The following DMD variants were observed in gnomAD, a reference collection of about 807,000 sequenced individuals.
The protein encoded by DMD is dystrophin, also known as mutant dystrophin.
A neutral mutation model predicts 330.1 loss-of-function variants in DMD; 63 were observed. The observed-to-expected ratio is 0.19, with a 90% CI of 0.16 to 0.24. DMD has a LOEUF of 0.24. Ranked by LOEUF, DMD falls within the 10% of genes least tolerant of loss-of-function variation. The pLI, the probability that DMD is intolerant of heterozygous loss-of-function variation, is 1.00. For missense variants in DMD, 3,344 were observed against 2,684.1 expected (o/e 1.25, Z -5.43); for synonymous variants, 1,223 against 959.8 (o/e 1.27, Z -5.07).
chrX:31,833,289 AGAGGGAGAGAGGGAGAGAGG>A (rs1298490249), intron 49 of DMD, among the ~76,000 whole-genome samples: 5 of 11,083 alleles, frequency 4.5e-4, no homozygotes, highest in African/African-American at 3.9e-3. Context: ...AGAGAGAGAG[AGAGGGAGAGAGGGAGAGAGG>A]GAGAGAGGGA....
At position 33,033,339 on chromosome X, in the gene DMD, A is replaced by G. The variant is rs760407416; in HGVS notation, c.32-13139T>C. Among the ~76,000 whole-genome samples, 3 of 108,900 alleles carry G rather than the reference A, an allele frequency of 2.8e-5. No homozygotes were observed. In the East Asian group the frequency reaches 8.6e-4, roughly 31 times the overall value. The allele number at this position is 108,900 out of a possible 115,157, so 94.6% of individuals were successfully genotyped here. A position where few individuals can be genotyped will look rare whatever the true frequency, so the allele number is the denominator to read the frequency against. Reference sequence around the variant, plus strand: ...ACCGAGAACACGTCCCTCAGTGTACATTGCCAATAGATGAGTTTTGTCTAT... The same window carrying G: ...ACCGAGAACACGTCCCTCAGTGTACGTTGCCAATAGATGAGTTTTGTCTAT... On this transcript the variant is annotated intron_variant, in intron 1 of 78. Coordinates refer to ENST00000357033, the MANE Select transcript of DMD (RefSeq NM_004006.3).
At chrX:32,253,625 CTTTT>C (rs200535114) in intron 43 of DMD, among the ~76,000 whole-genome samples, 1 of 89,042 alleles carries the variant, frequency 1.1e-5, no homozygotes. Flanking sequence ...TTGATTTAAT[CTTTT>C]TTTTTTTTTT....
At chrX:32,820,878 C>G (rs186679071) in intron 5 of DMD, among the ~76,000 whole-genome samples, 2 of 111,552 alleles carry the variant, frequency 1.8e-5, no homozygotes, top group African/African-American at 3.3e-5. Context: ...ATTTTTGTAA[C>G]GCTTTGGTTT....
chrX:32,338,939 G>C (rs10521992), intron 41 of DMD, among the ~76,000 whole-genome samples: 23,902 of 111,161 alleles, frequency 0.22, 2,755 homozygotes, highest in African/African-American at 0.44. Flanking sequence ...CACTGAACGA[G>C]ATATCTGTTG....
intron 1 of DMD, among the ~76,000 whole-genome samples, chrX:33,094,037 T>C (rs1019535602): frequency 1.8e-5 from 2 of 111,291 alleles, no homozygotes; most frequent in African/African-American, 6.5e-5. Context: ...ACTTGTATCA[T>C]GATGGGTTGC....
chrX:31,705,880 G>A (rs1049622843), intron 52 of DMD, among the ~76,000 whole-genome samples: 5 of 111,894 alleles, frequency 4.5e-5, no homozygotes, highest in African/African-American at 1.3e-4. Flanking sequence ...AGCCATGAGG[G>A]TAAAGAACAA....
At chrX:31,917,894 T>G (rs1219208426) in intron 47 of DMD, among the ~76,000 whole-genome samples, 1 of 111,128 alleles carries the variant, frequency 9.0e-6, no homozygotes, top group East Asian at 2.8e-4. Flanking sequence ...ACACACCAAT[T>G]CCCCTAACGT....
At chrX:32,527,140 G>C (rs141568624) in intron 17 of DMD, among the ~76,000 whole-genome samples, 29 of 112,053 alleles carry the variant, frequency 2.6e-4, no homozygotes, top group African/African-American at 9.4e-4. Context: ...TGATGCCTGT[G>C]AAATACGTTA....
intron 60 of DMD, among the ~76,000 whole-genome samples, chrX:31,374,007 C>G (rs770514685): frequency 7.6e-5 from 8 of 105,380 alleles, no homozygotes; most frequent in African/African-American, 2.9e-4. Flanking sequence ...AAAAAGTGGG[C>G]GAAGGACATG....
chrX:31,370,033 A>G (rs1334992643), intron 60 of DMD, among the ~76,000 whole-genome samples: 1 of 105,910 alleles, frequency 9.4e-6, no homozygotes, highest in Non-Finnish European at 1.9e-5. Context: ...CGGGAGGCGG[A>G]ACTTGCAGTG....
intron 44 of DMD, among the ~76,000 whole-genome samples, chrX:32,107,037 T>C (rs957264777): frequency 5.4e-5 from 6 of 111,709 alleles, no homozygotes; most frequent in Non-Finnish European, 1.1e-4. Context: ...GTGAGTTCCA[T>C]CTGGGGACAT....
chrX:31,815,622 C>T (rs1000258333), intron 50 of DMD, among the ~76,000 whole-genome samples: 1 of 111,509 alleles, frequency 9.0e-6, no homozygotes, highest in South Asian at 3.7e-4. Context: ...TCCAGTTTCC[C>T]TCCTTTTCCC....
chrX:32,517,895 G>A (rs1315977906), intron 18 of DMD, 113 bp downstream of exon 18: 5 of 851,591 alleles, frequency 5.9e-6, no homozygotes, highest in Admixed American at 2.3e-5. Flanking sequence ...ATATTAAACA[G>A]CATTTTATCA....
chrX:31,132,456 C>A (rs935787944), intron 77 of DMD, among the ~76,000 whole-genome samples: 1 of 111,320 alleles, frequency 9.0e-6, no homozygotes, highest in Non-Finnish European at 1.9e-5. Flanking sequence ...GAGTCATGAG[C>A]CTTGCTGTAG....
chrX:32,229,347 G>A (rs1234898866), intron 43 of DMD, among the ~76,000 whole-genome samples: 1 of 109,545 alleles, frequency 9.1e-6, no homozygotes, highest in African/African-American at 3.3e-5. Flanking sequence ...ATCATGACAA[G>A]TACCTCATAC....
intron 18 of DMD, among the ~76,000 whole-genome samples, chrX:32,512,944 C>T (rs755466152): frequency 2.0e-4 from 22 of 111,552 alleles, no homozygotes; most frequent in African/African-American, 7.2e-4. Flanking sequence ...AAATTTTTAT[C>T]TAGATGGCAG....
chrX:31,631,426 A>G (rs1286338784), intron 54 of DMD, among the ~76,000 whole-genome samples: 2 of 110,721 alleles, frequency 1.8e-5, no homozygotes, highest in Non-Finnish European at 3.8e-5. Context: ...GGCTGCACGT[A>G]TTGGTTGATG....
chrX:31,679,275 T>C (rs905450445), intron 53 of DMD, 100 bp downstream of exon 53: 3 of 774,981 alleles, frequency 3.9e-6, no homozygotes, highest in South Asian at 4.7e-5. Flanking sequence ...TGATTTTCTG[T>C]TAATAACTTT....
chrX:31,492,690 A>T (rs1260502292), intron 57 of DMD, among the ~76,000 whole-genome samples: 1 of 111,655 alleles, frequency 9.0e-6, no homozygotes, highest in Non-Finnish European at 1.9e-5. Context: ...GAATACTGTG[A>T]AGCCATAAAA....
Sources: allele counts gnomAD v4.1 joint callset (sites outside exome capture counted in the v4.1 genomes callset), GRCh38; gene constraint gnomAD v4.1.1; transcripts MANE v1.5; gene names NCBI Gene and HGNC (gene_info 2026-07-23, HGNC 2026-07-21).